The following CAMK4 variants were observed in gnomAD, a reference collection of about 807,000 sequenced individuals.
CAMK4 encodes the protein calcium/calmodulin-dependent protein kinase type IV.
Under a neutral mutation model 44.9 loss-of-function variants are expected in CAMK4, and 22 were observed. The ratio of observed to expected loss-of-function variants is 0.49; its 90% CI spans 0.35 to 0.70. The LOEUF (loss-of-function observed/expected upper bound fraction) is 0.70. Among genes scored for constraint, CAMK4 ranks in the 30% least tolerant of loss-of-function variants. The pLI, the probability that CAMK4 is intolerant of heterozygous loss-of-function variation, is 0.01. For missense variants in CAMK4, 498 were observed against 586.8 expected, an observed-to-expected ratio of 0.85 and a Z score of 1.56; for synonymous variants, 218 against 215.4, an observed-to-expected ratio of 1.01 and a Z score of -0.11.
At chr5:111,380,318 CT>C (rs1409731072) in intron 4 of CAMK4, among the ~76,000 whole-genome samples, 44 of 150,972 alleles carry the variant, frequency 2.9e-4, no homozygotes, top group Non-Finnish European at 5.5e-4. Flanking sequence ...TTTTCTTTTT[CT>C]TTTTTTGTTT....
At chr5:111,414,571 A>T (rs1752752738) in intron 5 of CAMK4, among the ~76,000 whole-genome samples, 1 of 152,248 alleles carries the variant, frequency 6.6e-6, no homozygotes, top group African/African-American at 2.4e-5. Flanking sequence ...GACATGACAT[A>T]GAAATAGAAT....
chr5:111,408,116 A>AAGAGAG lies in CAMK4; in HGVS notation c.459+13352_459+13357dup, dbSNP rs57215459. On this transcript the variant is annotated intron_variant, in intron 5 of 10. Transcript: ENST00000282356. ...AAAGTGAGACTCCATCAAAGAAAGAAAGAGAGAGAGAGAGAGAGAGAGAAA... is the reference window on the plus strand; with the variant it reads ...AAAGTGAGACTCCATCAAAGAAAGAAAGAGAGAGAGAGAGAGAGAGAGAGAGAGAAA... Among the ~76,000 whole-genome samples the AAGAGAG allele has an allele frequency of 6.3e-3, 937 of 149,370 alleles. 5 individuals are homozygous for AAGAGAG. The highest frequency in any genetic ancestry group is 0.021 in the African/African-American group (859 of 40,892).
intron 1 of CAMK4, among the ~76,000 whole-genome samples, chr5:111,262,217 T>A (rs1272783843): frequency 2.8e-5 from 4 of 143,836 alleles, no homozygotes; most frequent in East Asian, 4.0e-4. Flanking sequence ...AAAATTGCAA[T>A]AGAGGAGAAG....
At chr5:111,394,803 A>G (rs1275686318) in intron 5 of CAMK4, 21 bp downstream of exon 5, 5 of 1,473,678 alleles carry the variant, frequency 3.4e-6, no homozygotes, top group Admixed American at 1.7e-5. Context: ...AGTAACAGCA[A>G]TGGTGTAACT....
chr5:111,440,096 G>A (rs1305591494), intron 5 of CAMK4, among the ~76,000 whole-genome samples: 1 of 152,164 alleles, frequency 6.6e-6, no homozygotes, highest in African/African-American at 2.4e-5. Context: ...TGGAGGTAGT[G>A]GTTGCTTTCT....
At position 111,485,778 on chromosome 5, in the gene CAMK4, A is replaced by G. The variant is rs1451560032; in HGVS notation, c.*1312A>G. 6.6e-6 allele frequency: 1 copy of G among 152,154 alleles called. No individual in the cohort carries two copies. Among genetic ancestry groups the G allele is most frequent in the Non-Finnish European group, 1.5e-5 (1 of 67,996 alleles). The allele number at this position is 152,154 out of a possible 1,614,324, so 9.4% of individuals were successfully genotyped here. ...TTAAAAAGCTGGAACATTAGACCTG[A>G]TATTTTATTATGATTTTTCCCAGAA... On this transcript the variant is annotated 3_prime_UTR_variant, in exon 11 of 11. Transcript: ENST00000282356.
chr5:111,334,191 G>T (rs1272084697), intron 1 of CAMK4, among the ~76,000 whole-genome samples: 3 of 151,440 alleles, frequency 2.0e-5, no homozygotes, highest in African/African-American at 4.8e-5. Context: ...AACTGACTTG[G>T]GAAACCTCCA....
At chr5:111,470,145 C>G (rs867935145) in intron 7 of CAMK4, among the ~76,000 whole-genome samples, 5 of 152,342 alleles carry the variant, frequency 3.3e-5, no homozygotes, top group African/African-American at 2.4e-5. Flanking sequence ...GCAGCATAAT[C>G]TGAGTTCCCC....
Position 111,224,405 on chromosome 5 carries a change from A to G in CAMK4, c.-79A>G, listed in dbSNP as rs1748059545. The G allele has an allele frequency of 2.0e-6, 3 of 1,476,144 alleles. No homozygotes were observed. The highest frequency in any genetic ancestry group is 2.7e-6 in the Non-Finnish European group (3 of 1,117,912). 91.4% of individuals were successfully genotyped at this position (1,476,144 alleles called of 1,614,324 possible). On this transcript the variant is annotated 5_prime_UTR_variant, in exon 1 of 11. Transcript: ENST00000282356. The surrounding 1 kb of genome is among the most constrained non-coding windows in gnomAD (Gnocchi z 5.7). ...GCCTCTCTCTCGCTCCTGCGTTCGC[A>G]GGCGGCGGCTGGCGGCCGGCTTCTC...
chr5:111,237,702 GA>G (rs1475329210), intron 1 of CAMK4, among the ~76,000 whole-genome samples: 2 of 152,168 alleles, frequency 1.3e-5, no homozygotes, highest in Non-Finnish European at 2.9e-5. Flanking sequence ...TAAAAAGCTT[GA>G]CTTATGACCT....
In CAMK4 at chr5:111,224,495, C is replaced by T; in HGVS notation, c.12C>T (p.Val4=). The T allele has an allele frequency of 6.2e-7, 1 of 1,605,418 alleles. No homozygotes were observed. Among genetic ancestry groups the T allele is most frequent in the Non-Finnish European group, 8.5e-7 (1 of 1,177,306 alleles). Residue 4 remains valine, a synonymous_variant, in exon 1 of 11, where the codon GTC becomes GTT. Coordinates refer to ENST00000282356, the MANE Select transcript of CAMK4 (RefSeq NM_001744.6). This position sits in a 1 kb window ranked among gnomAD's most constrained non-coding sequence, Gnocchi z 5.7. MLK[V]TVPSCSASSC... is the part of the protein sequence containing the mutation. ...GTCCCGCTGCGAAGATGCTCAAAGT[C>T]ACGGTGCCCTCCTGCTCCGCCTCGT...
rs767515073 is a variant in CAMK4 at position 111,224,641 on chromosome 5, G to T, written c.158G>T (p.Gly53Val). 1 of 1,607,878 alleles carries T rather than the reference G, an allele frequency of 6.2e-7. No homozygotes were observed. The highest frequency in any genetic ancestry group is 1.1e-5 in the South Asian group (1 of 90,568). ...TTCTTCGAGGTGGAGTCGGAGCTGG[G>T]ACGGTAAGGCGCGGGCTCCGGCTGG... ...SDFFEVESELGRGATSIVYRC... is the reference protein window; with the variant it reads ...SDFFEVESELVRGATSIVYRC... Residue 53 changes from glycine to valine, a missense_variant, in exon 1 of 11, where the codon GGA (glycine) becomes GTA (valine). Physicochemically the swap from Gly to Val is moderately radical, Grantham distance 109. This residue lies in a region of CAMK4 where 152 missense variants were observed against 143.7 expected (regional missense o/e 1.06). Transcript: ENST00000282356. The surrounding 1 kb of genome is among the most constrained non-coding windows in gnomAD (Gnocchi z 5.7).
At chr5:111,380,782 A>G (rs1266737744) in intron 4 of CAMK4, among the ~76,000 whole-genome samples, 3 of 152,180 alleles carry the variant, frequency 2.0e-5, no homozygotes, top group East Asian at 3.9e-4. Context: ...GAGACCTGGA[A>G]TGCTGTTACC....
At chr5:111,311,735 T>A (rs1368754262) in intron 1 of CAMK4, among the ~76,000 whole-genome samples, 1 of 152,210 alleles carries the variant, frequency 6.6e-6, no homozygotes, top group Non-Finnish European at 1.5e-5. Context: ...CAAATTGTTC[T>A]CAAATTTCTT....
At chr5:111,240,180 T>C (rs1748923164) in intron 1 of CAMK4, among the ~76,000 whole-genome samples, 1 of 152,144 alleles carries the variant, frequency 6.6e-6, no homozygotes, top group African/African-American at 2.4e-5. Flanking sequence ...ACTTTACCTC[T>C]TCTTCATAGA....
rs983564997 is a variant in CAMK4 at position 111,488,513 on chromosome 5, T to G, written c.*4047T>G. 1 of 152,226 alleles carries G rather than the reference T, an allele frequency of 6.6e-6. No individual in the cohort carries two copies. Among genetic ancestry groups the G allele is most frequent in the Non-Finnish European group, 1.5e-5 (1 of 68,028 alleles). 9.4% of individuals were successfully genotyped at this position (152,226 alleles called of 1,614,324 possible). A position where few individuals can be genotyped will look rare whatever the true frequency, so the allele number is the denominator to read the frequency against. Reference sequence around the variant, plus strand: ...AACATATTTTGTAATTCAGAATGTTTAGCAATCCCTATGTCCTGTTTCACA... The same window carrying G: ...AACATATTTTGTAATTCAGAATGTTGAGCAATCCCTATGTCCTGTTTCACA... On this transcript the variant is annotated 3_prime_UTR_variant, in exon 11 of 11. Coordinates refer to ENST00000282356, the MANE Select transcript of CAMK4 (RefSeq NM_001744.6).
intron 5 of CAMK4, among the ~76,000 whole-genome samples, chr5:111,395,407 CT>C (rs1451993045): frequency 6.7e-6 from 1 of 149,228 alleles, no homozygotes; most frequent in Non-Finnish European, 1.5e-5. Context: ...TTTATTTGTT[CT>C]TTAACTCTTT....
chr5:111,438,195 T>C (rs1263399550), intron 5 of CAMK4, among the ~76,000 whole-genome samples: 1 of 152,142 alleles, frequency 6.6e-6, no homozygotes, highest in African/African-American at 2.4e-5. Context: ...GCTATGGACA[T>C]GATAAAGTTA....
rs373177216 is a variant in CAMK4 at position 111,407,194 on chromosome 5, A to T, written c.459+12412A>T. Among the ~76,000 whole-genome samples the T allele has an allele frequency of 1.4e-4, 22 of 152,234 alleles. No individual in the cohort carries two copies. The East Asian group carries it at 2.3e-3, about 16-fold the overall frequency. On this transcript the variant is annotated intron_variant, in intron 5 of 10. Transcript: ENST00000282356. ...TGGTGAAACCCATTATCTACTAAAA[A>T]TACAAAATTAGCTGGGCATGACGGC...
Sources: allele counts gnomAD v4.1 joint callset (sites outside exome capture counted in the v4.1 genomes callset), GRCh38; gene constraint gnomAD v4.1.1; regional missense constraint gnomAD v4.1.1; non-coding constraint Gnocchi (gnomAD v3.1); transcripts MANE v1.5; gene names NCBI Gene and HGNC (gene_info 2026-07-23, HGNC 2026-07-21).